The following TG variants were observed in gnomAD, a reference collection of about 807,000 sequenced individuals.
The protein encoded by TG is thyroglobulin, also known as thyroid hormones.
Under a neutral mutation model 324.7 loss-of-function variants are expected in TG, and 270 were observed. The ratio of observed to expected loss-of-function variants is 0.83; its 90% confidence interval spans 0.75 to 0.92. The LOEUF is 0.92. Ranked by LOEUF, TG falls within the 40% of genes least tolerant of loss-of-function variation. TG has a pLI of 0.00. For synonymous variants in TG, 1,401 were observed against 1,327.0 expected (o/e 1.06, Z -1.21); for missense variants, 3,591 against 3,456.4 (o/e 1.04, Z -0.98).
At chr8:133,063,202 AC>A (rs1157221879) in intron 41 of TG, among the ~76,000 whole-genome samples, 2 of 151,836 alleles carry the variant, frequency 1.3e-5, no homozygotes, top group African/African-American at 4.9e-5. Flanking sequence ...GTCATTCAAC[AC>A]CTAGTGATTG....
chr8:133,049,463 T>C, intron 41 of TG: 2 of 289,712 alleles, frequency 6.9e-6, no homozygotes, highest in Non-Finnish European at 1.4e-5. Context: ...TTATTATCCC[T>C]GTCGTTCTAT....
At chr8:132,894,582 C>T (rs542383221) in intron 11 of TG, among the ~76,000 whole-genome samples, 1 of 152,252 alleles carries the variant, frequency 6.6e-6, no homozygotes, top group South Asian at 2.1e-4. Context: ...CCTCAGCCAC[C>T]TGAGTAGCTG....
chr8:132,889,155 A>T lies in TG; in HGVS notation c.2761+587A>T, dbSNP rs570996899. Reference sequence around the variant, plus strand: ...GACTTATGGGAAAGCTATGATATACAAGCCATAAATAGAATGAAGCTGACA... The same window carrying T: ...GACTTATGGGAAAGCTATGATATACTAGCCATAAATAGAATGAAGCTGACA... On this transcript the variant is annotated intron_variant, in intron 10 of 47. Coordinates refer to ENST00000220616, the MANE Select transcript of TG (RefSeq NM_003235.5). Among the ~76,000 whole-genome samples, 194 of 152,318 alleles carry T rather than the reference A, an allele frequency of 1.3e-3. 1 individual carries two copies. Among genetic ancestry groups the T allele is most frequent in the African/African-American group, 4.6e-3 (191 of 41,566 alleles).
At chr8:132,987,737 C>CGT (rs913639795) in intron 35 of TG, among the ~76,000 whole-genome samples, 14 of 100,370 alleles carry the variant, frequency 1.4e-4, no homozygotes, top group African/African-American at 4.1e-4. Flanking sequence ...TGTGTGTGTG[C>CGT]GTGTGTGTGT....
At chr8:132,969,363 G>C in intron 31 of TG, 95 bp from the exon 32 acceptor site, 1 of 877,042 alleles carries the variant, frequency 1.1e-6, no homozygotes, top group Non-Finnish European at 1.9e-6. Flanking sequence ...ATCTTTAATT[G>C]GAAACTTTCA....
chr8:133,043,504 G>T (rs1374338052), intron 41 of TG, among the ~76,000 whole-genome samples: 1 of 152,186 alleles, frequency 6.6e-6, no homozygotes, highest in Non-Finnish European at 1.5e-5. Flanking sequence ...TTTTGCATCT[G>T]CTATGTGACA....
At chr8:133,035,079 C>G (rs79037519) in intron 41 of TG, among the ~76,000 whole-genome samples, 7,912 of 152,228 alleles carry the variant, frequency 0.052, 250 homozygotes, top group Middle Eastern at 0.095. Flanking sequence ...TACCTTCTTC[C>G]CGTTTCCTTG....
At chr8:133,076,186 C>CTCACACCTCTG (rs1844834368) in intron 41 of TG, 1 of 152,238 alleles carries the variant, frequency 6.6e-6, no homozygotes, top group South Asian at 2.1e-4. Flanking sequence ...CCCCTCACAC[C>CTCACACCTCTG]TCACAGAGTG....
rs752397462 is a variant in TG, at chr8:132,906,735, A to AC, written c.3683dup (p.Ile1229AsnfsTer4). ...CAACGCGTCGGAGGTGGTTGGTGGAACAATCCTGTGTGAGACAATCTCGGG... is the reference window on the plus strand; with the variant it reads ...CAACGCGTCGGAGGTGGTTGGTGGAACCAATCCTGTGTGAGACAATCTCGGG... On this transcript the variant is annotated frameshift_variant, in exon 17 of 48. Transcript: ENST00000220616. LOFTEE classifies it high-confidence loss of function. 1 of 1,614,224 alleles carries AC rather than the reference A, an allele frequency of 6.2e-7. No homozygotes were observed. Among genetic ancestry groups the AC allele is most frequent in the Admixed American group, 1.7e-5 (1 of 60,026 alleles).
intron 41 of TG, among the ~76,000 whole-genome samples, chr8:133,030,569 T>C (rs1836542600): frequency 6.6e-6 from 1 of 152,256 alleles, no homozygotes; most frequent in African/African-American, 2.4e-5. Flanking sequence ...TCTAATTTCA[T>C]GGCACATCCA....
intron 26 of TG, among the ~76,000 whole-genome samples, chr8:132,948,305 G>A (rs1387838881): frequency 6.6e-6 from 1 of 152,016 alleles, no homozygotes; most frequent in African/African-American, 2.4e-5. Flanking sequence ...GCGAGAGCGA[G>A]AGTGAGAGCG....
chr8:132,998,596 T>A (rs1481146299), intron 35 of TG, among the ~76,000 whole-genome samples: 1 of 152,094 alleles, frequency 6.6e-6, no homozygotes, highest in Non-Finnish European at 1.5e-5. Context: ...CTTGGTTGGA[T>A]GATGAGCCAC....
At chr8:132,886,177 T>C (rs1181062296) in intron 8 of TG, among the ~76,000 whole-genome samples, 1 of 152,176 alleles carries the variant, frequency 6.6e-6, no homozygotes, top group African/African-American at 2.4e-5. Context: ...TGAGCCAGTA[T>C]TTTCAAGACT....
In TG at chr8:132,930,626, A is replaced by G. The variant is rs376890770; in HGVS notation, c.4816+1434A>G. 1.7e-4 allele frequency among the ~76,000 whole-genome samples: 26 copies of G among 151,892 alleles called. No individual in the cohort carries two copies. In the East Asian group the frequency reaches 1.7e-3, roughly 10 times the overall value. On this transcript the variant is annotated intron_variant, in intron 23 of 47. Transcript: ENST00000220616. ...GAACCTGGTGGGAGGTGGAGGTTGC[A>G]GTGAGCCGAGATCGCTCCATTGCAC...
At chr8:132,932,399 G>T (rs1186492484) in intron 23 of TG, among the ~76,000 whole-genome samples, 1 of 152,120 alleles carries the variant, frequency 6.6e-6, no homozygotes, top group Non-Finnish European at 1.5e-5. Flanking sequence ...CAGGGGGAAG[G>T]GCTCAGGAAT....
intron 4 of TG, 81 bp from the exon 5 acceptor site, chr8:132,872,981 G>A: frequency 1.4e-6 from 2 of 1,467,990 alleles, no homozygotes; most frequent in East Asian, 4.6e-5. Flanking sequence ...ATTGCTAAGG[G>A]ACACGAGTGC....
intron 24 of TG, among the ~76,000 whole-genome samples, 196 bp downstream of exon 24, chr8:132,933,872 A>T (rs917739701): frequency 2.6e-5 from 4 of 152,146 alleles, no homozygotes; most frequent in African/African-American, 9.7e-5. Context: ...CCCAAGATGA[A>T]GCTGGAGTAA....
intron 45 of TG, among the ~76,000 whole-genome samples, chr8:133,129,566 G>A (rs1009347925): frequency 8.5e-5 from 13 of 152,172 alleles, no homozygotes; most frequent in South Asian, 4.1e-4. Flanking sequence ...TACAATCGTG[G>A]CTCACTGCAG....
chr8:132,928,910 G>A (rs1389126696), intron 22 of TG, among the ~76,000 whole-genome samples, 166 bp from the exon 23 acceptor site: 1 of 152,134 alleles, frequency 6.6e-6, no homozygotes, highest in Admixed American at 6.5e-5. Context: ...TAGATATGGA[G>A]CAGTATGTTG....
Sources: gnomAD v4.1 joint callset for allele counts (sites outside exome capture counted in the v4.1 genomes callset) on GRCh38, gnomAD v4.1.1 for gene constraint, MANE v1.5 for transcripts, NCBI Gene and HGNC (gene_info 2026-07-23, HGNC 2026-07-21) for gene names.